Variants in GLT1D1 observed in about 807,000 individuals in gnomAD.
GLT1D1 encodes the protein glycosyltransferase 1 domain containing 1.
Under a neutral mutation model 28.7 loss-of-function variants are expected in GLT1D1, and 21 were observed. The ratio of observed to expected loss-of-function variants is 0.73; its 90% CI spans 0.52 to 1.05. GLT1D1 has a LOEUF of 1.05. Ranked by LOEUF, GLT1D1 falls within the 50% of genes least tolerant of loss-of-function variation. The pLI is 0.00. For synonymous variants in GLT1D1, 147 were observed against 124.8 expected (o/e 1.18, Z -1.19); for missense variants, 343 against 330.6 (o/e 1.04, Z -0.29).
At chr12:128,928,669 A>G (rs1873548041) in intron 4 of GLT1D1, among the ~76,000 whole-genome samples, 1 of 148,268 alleles carries the variant, frequency 6.7e-6, no homozygotes, top group Admixed American at 6.8e-5. Flanking sequence ...CACCCAGGCT[A>G]GAGTACAATG....
At chr12:128,933,283 G>A (rs555606196) in intron 4 of GLT1D1, among the ~76,000 whole-genome samples, 153 of 152,382 alleles carry the variant, frequency 1.0e-3, no homozygotes, top group African/African-American at 3.5e-3. Context: ...CGCAGGCGGC[G>A]CCCGTGCGCA....
intron 6 of GLT1D1, among the ~76,000 whole-genome samples, chr12:128,950,994 C>A (rs1876636453): frequency 6.6e-6 from 1 of 152,184 alleles, no homozygotes; most frequent in African/African-American, 2.4e-5. Flanking sequence ...TAACGATATC[C>A]TTGAAAATTG....
At chr12:128,881,534 GAAAAAAAAAAAAAAAA>G (rs1161429342) in intron 2 of GLT1D1, among the ~76,000 whole-genome samples, 616 of 23,820 alleles carry the variant, frequency 0.026, 8 homozygotes, top group Non-Finnish European at 0.04. Context: ...ACTCTGTATC[GAAAAAAAAAAAAAAAA>G]AAAAAAAAAA....
intron 4 of GLT1D1, among the ~76,000 whole-genome samples, chr12:128,905,247 A>T (rs899533673): frequency 1.3e-5 from 2 of 152,232 alleles, no homozygotes; most frequent in Non-Finnish European, 2.9e-5. Context: ...TTGTGTGTGA[A>T]GTCTTTGAAA....
chr12:128,910,083 T>C (rs530730209), intron 4 of GLT1D1, among the ~76,000 whole-genome samples: 185 of 152,376 alleles, frequency 1.2e-3, no homozygotes, highest in Non-Finnish European at 2.0e-3. Flanking sequence ...AGACTTCCTT[T>C]ATACTGCAAC....
intron 7 of GLT1D1, among the ~76,000 whole-genome samples, chr12:128,971,871 C>CCTCCCTCCTCT (rs1343989254): frequency 1.5e-5 from 2 of 134,398 alleles, no homozygotes; most frequent in Non-Finnish European, 3.1e-5. Context: ...CTCCCTCCTC[C>CCTCCCTCCTCT]CTCCCTCCTC....
intron 4 of GLT1D1, among the ~76,000 whole-genome samples, chr12:128,900,294 G>T (rs1347628998): frequency 6.6e-6 from 1 of 152,230 alleles, no homozygotes; most frequent in East Asian, 1.9e-4. Context: ...ATTCCTGTTG[G>T]TTGGGAGGAT....
chr12:128,981,175 C>T (rs748752402), intron 7 of GLT1D1, among the ~76,000 whole-genome samples: 3 of 152,216 alleles, frequency 2.0e-5, no homozygotes, highest in Non-Finnish European at 2.9e-5. Flanking sequence ...TTACTCATAA[C>T]CCCCCTCTCT....
intron 4 of GLT1D1, among the ~76,000 whole-genome samples, chr12:128,931,606 C>T (rs991565371): frequency 8.5e-5 from 13 of 152,140 alleles, no homozygotes; most frequent in Non-Finnish European, 1.3e-4. Context: ...CCGCGCCTGG[C>T]CCCCCTTTTA....
At chr12:128,939,174 A>C (rs1292039865) in intron 4 of GLT1D1, among the ~76,000 whole-genome samples, 1 of 152,102 alleles carries the variant, frequency 6.6e-6, no homozygotes, top group African/African-American at 2.4e-5. Flanking sequence ...GGTTCCTTTC[A>C]GGCAATCAGG....
chr12:128,924,459 T>TTTTA (rs911815175), intron 4 of GLT1D1, among the ~76,000 whole-genome samples: 9 of 151,462 alleles, frequency 5.9e-5, no homozygotes, highest in Admixed American at 1.3e-4. Flanking sequence ...AAAAAGCCTC[T>TTTTA]TTTATTTATT....
At chr12:128,874,732 C>T (rs1956831556) in intron 1 of GLT1D1, among the ~76,000 whole-genome samples, 1 of 152,178 alleles carries the variant, frequency 6.6e-6, no homozygotes, top group Non-Finnish European at 1.5e-5. Flanking sequence ...AATCTGTCTG[C>T]CTCGAACTCT....
At chr12:128,864,081 G>A (rs1956453392) in intron 1 of GLT1D1, 2 of 629,820 alleles carry the variant, frequency 3.2e-6, no homozygotes, top group Admixed American at 2.4e-5. Flanking sequence ...TGTGCACTGT[G>A]GGCAGGTCCC....
At chr12:128,920,558 AAAAAG>A (rs1157701186) in intron 4 of GLT1D1, among the ~76,000 whole-genome samples, 1 of 152,212 alleles carries the variant, frequency 6.6e-6, no homozygotes, top group Non-Finnish European at 1.5e-5. Flanking sequence ...TTGTCTCAAA[AAAAAG>A]AAAGAAAGAA....
At chr12:128,867,598 A>G (rs767933418) in intron 1 of GLT1D1, among the ~76,000 whole-genome samples, 1 of 152,004 alleles carries the variant, frequency 6.6e-6, no homozygotes, top group Non-Finnish European at 1.5e-5. Context: ...TTGGGATCCC[A>G]TCTCACAGAT....
chr12:128,914,151 A>AT (rs539915953), intron 4 of GLT1D1, among the ~76,000 whole-genome samples: 57 of 149,830 alleles, frequency 3.8e-4, no homozygotes, highest in African/African-American at 1.1e-3. Context: ...TAAAATAGTC[A>AT]TTTTTTTTTT....
intron 6 of GLT1D1, among the ~76,000 whole-genome samples, chr12:128,948,942 G>A (rs1318457417): frequency 6.6e-6 from 1 of 152,196 alleles, no homozygotes; most frequent in African/African-American, 2.4e-5. Flanking sequence ...TCTGCTGTTA[G>A]GTGCTTTCAG....
Position 128,864,614 on chromosome 12 carries a change from C to T in GLT1D1, c.68+10965C>T, listed in dbSNP as rs187110217. 7.2e-5 allele frequency among the ~76,000 whole-genome samples: 11 copies of T among 152,228 alleles called. No individual in the cohort carries two copies. In the East Asian group the frequency reaches 1.7e-3, roughly 24 times the overall value. ...ACTTTCATTTCCAGAAGTCCTTTTG[C>T]GATGAGCAGGGGAGGAGAGAGTAGA... On this transcript the variant is annotated intron_variant, in intron 1 of 7. Transcript: ENST00000281703.
At chr12:128,880,953 G>A (rs11059993) in intron 2 of GLT1D1, among the ~76,000 whole-genome samples, 78 of 152,192 alleles carry the variant, frequency 5.1e-4, no homozygotes, top group African/African-American at 1.7e-3. Flanking sequence ...GGCCGGGCGC[G>A]GTGGCTCACG....
Sources: allele counts gnomAD v4.1 joint callset (sites outside exome capture counted in the v4.1 genomes callset), GRCh38; gene constraint gnomAD v4.1.1; transcripts MANE v1.5; gene names NCBI Gene and HGNC (gene_info 2026-07-23, HGNC 2026-07-21).